Variants in TAFA1 observed in about 807,000 individuals in gnomAD.
The protein encoded by TAFA1 is chemokine-like protein TAFA-1.
Under a neutral mutation model 18.5 loss-of-function variants are expected in TAFA1, and 4 were observed. The ratio of observed to expected loss-of-function variants is 0.22; its 90% CI spans 0.11 to 0.49. The LOEUF is 0.49. Among genes scored for constraint, TAFA1 ranks in the 20% least tolerant of loss-of-function variants. The probability of loss-of-function intolerance (pLI) is 0.98; values close to 1 mark genes in which losing one functional copy is unlikely to be tolerated. For missense variants in TAFA1, 147 were observed against 169.0 expected (o/e 0.87, Z 0.72); for synonymous variants, 56 against 55.2 (o/e 1.01, Z -0.06).
chr3:68,175,388 G>A (rs2066110423), intron 2 of TAFA1, among the ~76,000 whole-genome samples: 1 of 152,224 alleles, frequency 6.6e-6, no homozygotes, highest in Non-Finnish European at 1.5e-5. Context: ...TCTAGCCCAT[G>A]AAAGCAGCCA....
intron 2 of TAFA1, among the ~76,000 whole-genome samples, chr3:68,393,594 C>T (rs923314636): frequency 4.6e-5 from 7 of 152,140 alleles, no homozygotes; most frequent in African/African-American, 1.2e-4. Flanking sequence ...CCCTGTTGAA[C>T]ATCAATGCAA....
intron 4 of TAFA1, among the ~76,000 whole-genome samples, chr3:68,540,840 A>G (rs1559712190): frequency 6.6e-6 from 1 of 152,210 alleles, no homozygotes; most frequent in African/African-American, 2.4e-5. Context: ...GACCAATGTA[A>G]CTTTCTTTTA....
intron 2 of TAFA1, among the ~76,000 whole-genome samples, chr3:68,129,368 A>G (rs1325337428): frequency 6.6e-6 from 1 of 152,234 alleles, no homozygotes; most frequent in Non-Finnish European, 1.5e-5. Flanking sequence ...AAAGGTGAGA[A>G]GTACACTTTT....
chr3:68,149,126 G>T (rs778852487), intron 2 of TAFA1, among the ~76,000 whole-genome samples: 1 of 152,068 alleles, frequency 6.6e-6, no homozygotes, highest in South Asian at 2.1e-4. Flanking sequence ...AGTAAGCAAC[G>T]TTTTTTACCC....
At chr3:68,461,244 T>G (rs2071771778) in intron 3 of TAFA1, among the ~76,000 whole-genome samples, 1 of 151,446 alleles carries the variant, frequency 6.6e-6, no homozygotes, top group Non-Finnish European at 1.5e-5. Context: ...ATTGCGCCAC[T>G]GCACTCCAGC....
At chr3:68,258,536 T>TTC (rs2067343639) in intron 2 of TAFA1, among the ~76,000 whole-genome samples, 1 of 152,184 alleles carries the variant, frequency 6.6e-6, no homozygotes, top group South Asian at 2.1e-4. Context: ...GTGTGTGACT[T>TTC]TAAGTCGTTC....
intron 2 of TAFA1, among the ~76,000 whole-genome samples, chr3:68,126,517 T>C (rs2065466806): frequency 1.3e-5 from 2 of 152,238 alleles, no homozygotes; most frequent in African/African-American, 2.4e-5. Flanking sequence ...GGCAAATTTG[T>C]TGATTCTCTA....
intron 2 of TAFA1, among the ~76,000 whole-genome samples, chr3:68,279,281 G>C (rs1429667827): frequency 6.6e-6 from 1 of 152,094 alleles, no homozygotes; most frequent in African/African-American, 2.4e-5. Context: ...ATTTGGGGAG[G>C]GGTCCAGGAA....
intron 3 of TAFA1, among the ~76,000 whole-genome samples, chr3:68,449,505 G>A (rs978207700): frequency 6.6e-6 from 1 of 152,076 alleles, no homozygotes; most frequent in African/African-American, 2.4e-5. Flanking sequence ...ATTGCAAATT[G>A]GTGACCTAGA....
intron 2 of TAFA1, among the ~76,000 whole-genome samples, chr3:68,013,592 C>T (rs140269028): frequency 0.023 from 3,480 of 152,064 alleles, 50 homozygotes; most frequent in Middle Eastern, 0.041. Context: ...TTTTACTTTC[C>T]AAATCTTTTG....
chr3:68,259,879 G>C (rs1253542387), intron 2 of TAFA1, among the ~76,000 whole-genome samples: 3 of 152,062 alleles, frequency 2.0e-5, no homozygotes, highest in African/African-American at 7.2e-5. Flanking sequence ...CATGTCATCT[G>C]CAAACAGGGA....
chr3:68,139,285 A>G (rs1175511609), intron 2 of TAFA1, among the ~76,000 whole-genome samples: 2 of 152,212 alleles, frequency 1.3e-5, no homozygotes, highest in Non-Finnish European at 2.9e-5. Flanking sequence ...AGAAATACAC[A>G]CCACTGGAAG....
At chr3:68,029,522 A>G (rs1704886618) in intron 2 of TAFA1, among the ~76,000 whole-genome samples, 1 of 152,226 alleles carries the variant, frequency 6.6e-6, no homozygotes, top group African/African-American at 2.4e-5. Context: ...AATTTAAGTT[A>G]AATAAATCAG....
chr3:68,218,734 C>T (rs1315921078), intron 2 of TAFA1, among the ~76,000 whole-genome samples: 1 of 152,046 alleles, frequency 6.6e-6, no homozygotes, highest in Admixed American at 6.6e-5. Context: ...ACCTGAGAAA[C>T]ACATTGACTT....
chr3:68,400,205 G>C (rs1203042060), intron 2 of TAFA1, among the ~76,000 whole-genome samples: 1 of 152,106 alleles, frequency 6.6e-6, no homozygotes, highest in African/African-American at 2.4e-5. Flanking sequence ...ACTCTACAAA[G>C]GAAACCAGGT....
chr3:68,069,201 G>C (rs1362972324), intron 2 of TAFA1, among the ~76,000 whole-genome samples: 2 of 152,164 alleles, frequency 1.3e-5, no homozygotes, highest in East Asian at 3.8e-4. Context: ...ACATACCCGA[G>C]ACTGGGTAAT....
intron 2 of TAFA1, among the ~76,000 whole-genome samples, chr3:68,038,007 G>C (rs556538807): frequency 6.6e-6 from 1 of 152,156 alleles, no homozygotes; most frequent in South Asian, 2.1e-4. Flanking sequence ...AAAGCCTGAT[G>C]GTATTTAAAT....
intron 2 of TAFA1, among the ~76,000 whole-genome samples, chr3:68,203,162 A>G (rs768756372): frequency 7.2e-5 from 11 of 151,872 alleles, no homozygotes; most frequent in Admixed American, 3.3e-4. Flanking sequence ...GGAAGTTGGT[A>G]TAATTCTTAT....
chr3:68,032,938 G>A (rs777462504), intron 2 of TAFA1, among the ~76,000 whole-genome samples: 4 of 151,756 alleles, frequency 2.6e-5, no homozygotes, highest in Admixed American at 1.3e-4. Flanking sequence ...GTTTCTTCTC[G>A]TCACCTCCCA....
Sources: allele counts gnomAD v4.1 joint callset (sites outside exome capture counted in the v4.1 genomes callset), GRCh38; gene constraint gnomAD v4.1.1; transcripts MANE v1.5; gene names NCBI Gene and HGNC (gene_info 2026-07-23, HGNC 2026-07-21).